The following PIEZO2 variants were observed in gnomAD, a reference collection of about 807,000 sequenced individuals.
The protein encoded by PIEZO2 is piezo-type mechanosensitive ion channel component 2.
A neutral mutation model predicts 337.3 loss-of-function variants in PIEZO2; 172 were observed. The observed-to-expected ratio is 0.51, with a 90% CI of 0.45 to 0.58. The LOEUF (loss-of-function observed/expected upper bound fraction) is 0.58, where lower values mean the gene tolerates loss of function less well. PIEZO2 is among the 20% of genes least tolerant of loss of function. PIEZO2 has a pLI of 0.00. For synonymous variants in PIEZO2, 1,251 were observed against 1,228.5 expected, an observed-to-expected ratio of 1.02 and a Z score of -0.38; for missense variants, 3,028 against 3,391.3, an observed-to-expected ratio of 0.89 and a Z score of 2.66.
chr18:10,882,067 G>A (rs1344084705), intron 4 of PIEZO2, among the ~76,000 whole-genome samples: 2 of 152,100 alleles, frequency 1.3e-5, no homozygotes, highest in East Asian at 1.9e-4. Context: ...AAACTAATGT[G>A]TGCCTTCTTA....
intron 3 of PIEZO2, among the ~76,000 whole-genome samples, chr18:10,916,280 C>T (rs12968527): frequency 0.64 from 97,869 of 152,070 alleles, 31,727 homozygotes; most frequent in East Asian, 0.81. Context: ...CCACGCTGCA[C>T]GCCCCTGCAC....
rs117682153 is a variant in PIEZO2, at chr18:10,766,202, G to T, written c.2947-3104C>A. Among the ~76,000 whole-genome samples the T allele has an allele frequency of 0.022, 3,239 of 148,768 alleles. 43 individuals are homozygous for T. Among genetic ancestry groups the T allele is most frequent in the Middle Eastern group, 0.044 (13 of 294 alleles). On this transcript the variant is annotated intron_variant, in intron 21 of 55. Transcript: ENST00000674853. The surrounding 1 kb of genome is among the most constrained non-coding windows in gnomAD (Gnocchi z 6.1). ...TTTTCCTGATGGTAAGAATCTCGTG[G>T]AAGGAAAGAAGAAGAAAGAAGGAGG...
chr18:10,760,637 C>A (rs532829092), intron 24 of PIEZO2, among the ~76,000 whole-genome samples: 55 of 152,300 alleles, frequency 3.6e-4, no homozygotes, highest in African/African-American at 1.3e-3. Context: ...AATAAGAAAC[C>A]TGTTAACACG....
chr18:10,748,674 T>C lies in PIEZO2; in HGVS notation c.4265-44A>G. The C allele has an allele frequency of 7.2e-7, 1 of 1,387,570 alleles. No individual in the cohort carries two copies. Among genetic ancestry groups the C allele is most frequent in the Non-Finnish European group, 9.4e-7 (1 of 1,066,758 alleles). 86.0% of individuals were successfully genotyped at this position (1,387,570 alleles called of 1,614,324 possible). On this transcript the variant is annotated intron_variant, in intron 29 of 55. Transcript: ENST00000674853. The surrounding 1 kb of genome is among the most constrained non-coding windows in gnomAD (Gnocchi z 5.1). ...AACACACATTAAAATTAACATCCATTTTCATTGTAATTTTATAAAATCTGA... is the reference window on the plus strand; with the variant it reads ...AACACACATTAAAATTAACATCCATCTTCATTGTAATTTTATAAAATCTGA...
At chr18:10,937,269 T>C (rs1438540852) in intron 3 of PIEZO2, among the ~76,000 whole-genome samples, 1 of 152,168 alleles carries the variant, frequency 6.6e-6, no homozygotes, top group African/African-American at 2.4e-5. Context: ...GGTTCTTTCC[T>C]AGCAAACACA....
intron 28 of PIEZO2, among the ~76,000 whole-genome samples, chr18:10,751,597 A>AT (rs34955881): frequency 0.63 from 95,791 of 152,048 alleles, 32,191 homozygotes; most frequent in African/African-American, 0.88. Context: ...AGACACAGTG[A>AT]TACACGTGCC....
At chr18:10,874,043 T>C (rs903376067) in intron 4 of PIEZO2, among the ~76,000 whole-genome samples, 18 of 151,982 alleles carry the variant, frequency 1.2e-4, no homozygotes, top group Non-Finnish European at 2.9e-5. Context: ...ACCTAGATAA[T>C]TGGAAAAAAT....
chr18:10,762,803 G>A, intron 22 of PIEZO2, 119 bp downstream of exon 22: 2 of 1,347,070 alleles, frequency 1.5e-6, no homozygotes, highest in South Asian at 1.5e-5. Flanking sequence ...CGACCAGCCA[G>A]GGAGAGGTGA....
At position 11,053,670 on chromosome 18, in the gene PIEZO2, T is replaced by C. The variant is rs144769826; in HGVS notation, c.160+12457A>G. The stretch of plus-strand genomic sequence containing the variant: ...AAATAAAATACACTCTTCTACCATA[T>C]TGACCAGTATGTGGCACTCACTATA... On this transcript the variant is annotated intron_variant, in intron 2 of 55. Coordinates refer to ENST00000674853, the MANE Select transcript of PIEZO2 (RefSeq NM_001378183.1). Among the ~76,000 whole-genome samples, 157 of 152,372 alleles carry C rather than the reference T, an allele frequency of 1.0e-3. 1 individual carries two copies. Among genetic ancestry groups the C allele is most frequent in the African/African-American group, 3.5e-3 (145 of 41,590 alleles).
In PIEZO2 at chr18:10,969,938, T is replaced by C. The variant is rs2034168289; in HGVS notation, c.286+9597A>G. ...TTTTTGGCTGCTATTAATTCATTTA[T>C]TCATTCTTCAATTGTTGGGCAGTAT... On this transcript the variant is annotated intron_variant, in intron 3 of 55. Transcript: ENST00000674853. This position sits in a 1 kb window ranked among gnomAD's most constrained non-coding sequence, Gnocchi z 4.5. Among the ~76,000 whole-genome samples the C allele has an allele frequency of 6.6e-6, 1 of 152,218 alleles. No homozygotes were observed. The highest frequency in any genetic ancestry group is 2.4e-5 in the African/African-American group (1 of 41,462).
intron 40 of PIEZO2, 25 bp from the exon 41 acceptor site, chr18:10,705,771 G>C (rs1429777220): frequency 6.7e-7 from 1 of 1,496,652 alleles, no homozygotes; most frequent in Non-Finnish European, 8.9e-7. Context: ...CGTGGGCACA[G>C]AGCCCATGTC....
intron 3 of PIEZO2, among the ~76,000 whole-genome samples, chr18:10,960,269 GC>G (rs1479600920): frequency 3.3e-5 from 5 of 152,074 alleles, no homozygotes; most frequent in Non-Finnish European, 1.5e-5. Context: ...GCTTAAAGGG[GC>G]TAGCTTTAGT....
rs1258280646 is a variant in PIEZO2 at position 10,952,794 on chromosome 18, T to C, written c.286+26741A>G. The stretch of plus-strand genomic sequence containing the variant: ...TTCAAAGTGTCTATATAATTGTACA[T>C]TCCCGCCAGAAATGTATTTGAATTC... On this transcript the variant is annotated intron_variant, in intron 3 of 55. Transcript: ENST00000674853. The surrounding 1 kb of genome is among the most constrained non-coding windows in gnomAD (Gnocchi z 4.1). Among the ~76,000 whole-genome samples the C allele has an allele frequency of 2.6e-5, 4 of 152,178 alleles. No homozygotes were observed. The highest frequency in any genetic ancestry group is 4.1e-4 in the South Asian group (2 of 4,822).
chr18:11,130,865 C>T (rs1346848011), intron 1 of PIEZO2, among the ~76,000 whole-genome samples: 1 of 152,190 alleles, frequency 6.6e-6, no homozygotes, highest in Admixed American at 6.5e-5. Flanking sequence ...CAAAAGGCTG[C>T]CATTCTGAGT....
chr18:10,958,527 G>T (rs2033633825), intron 3 of PIEZO2, among the ~76,000 whole-genome samples: 1 of 152,112 alleles, frequency 6.6e-6, no homozygotes, highest in Non-Finnish European at 1.5e-5. Flanking sequence ...TTGGTTAAAA[G>T]AATAGATTAT....
In PIEZO2 at chr18:10,670,400, C is replaced by A. The variant is rs1282994683; in HGVS notation, c.*1127G>T. On this transcript the variant is annotated 3_prime_UTR_variant, in exon 56 of 56. Transcript: ENST00000674853. ...ACATTTCAATCATAAATTTTTCATG[C>A]TACATTGTTATTTAATGAAGAGGTT... is the stretch of plus-strand genomic sequence containing the variant. 1 of 152,070 alleles carries A rather than the reference C, an allele frequency of 6.6e-6. No individual in the cohort carries two copies. The highest frequency in any genetic ancestry group is 6.6e-5 in the Admixed American group (1 of 15,262). The allele number at this position is 152,070 out of a possible 1,614,324, so 9.4% of individuals were successfully genotyped here. A position where few individuals can be genotyped will look rare whatever the true frequency, so the allele number is the denominator to read the frequency against.
chr18:11,114,019 A>G (rs544371838), intron 1 of PIEZO2, among the ~76,000 whole-genome samples: 1 of 152,384 alleles, frequency 6.6e-6, no homozygotes, highest in South Asian at 2.1e-4. Flanking sequence ...AGTGGAGTTC[A>G]CTACATTAAT....
Position 10,846,547 on chromosome 18 carries a change from C to A in PIEZO2, c.917+8806G>T, listed in dbSNP as rs1568124966. Reference sequence around the variant, plus strand: ...TTCCTGAGAGGCCAATGTATGTCAGCAGTGTTAAATCCTGAGAGTACCAAA... The same window carrying A: ...TTCCTGAGAGGCCAATGTATGTCAGAAGTGTTAAATCCTGAGAGTACCAAA... On this transcript the variant is annotated intron_variant, in intron 7 of 55. Coordinates refer to ENST00000674853, the MANE Select transcript of PIEZO2 (RefSeq NM_001378183.1). The surrounding 1 kb of genome is among the most constrained non-coding windows in gnomAD (Gnocchi z 4.1). Among the ~76,000 whole-genome samples, 1 of 152,102 alleles carries A rather than the reference C, an allele frequency of 6.6e-6. No individual in the cohort carries two copies. Among genetic ancestry groups the A allele is most frequent in the Non-Finnish European group, 1.5e-5 (1 of 68,026 alleles).
At chr18:10,793,113 G>C (rs143528132) in intron 13 of PIEZO2, among the ~76,000 whole-genome samples, 3 of 152,266 alleles carry the variant, frequency 2.0e-5, no homozygotes, top group Middle Eastern at 6.8e-3. Context: ...AAAAAAATTA[G>C]CTGGGCGTGG....
Sources: gnomAD v4.1 joint callset for allele counts (sites outside exome capture counted in the v4.1 genomes callset) on GRCh38, gnomAD v4.1.1 for gene constraint, Gnocchi (gnomAD v3.1) non-coding constraint, MANE v1.5 for transcripts, NCBI Gene and HGNC (gene_info 2026-07-23, HGNC 2026-07-21) for gene names.